The following XRCC4 variants were observed in gnomAD, a reference collection of about 807,000 sequenced individuals.
XRCC4 encodes the protein DNA repair protein XRCC4.
In XRCC4, 28 loss-of-function variants were observed where a neutral mutation model predicts 39.1. That is an observed-to-expected ratio of 0.72 (90% confidence interval 0.53 to 0.98). The LOEUF is 0.98. XRCC4 is among the 50% of genes least tolerant of loss of function. The probability of loss-of-function intolerance (pLI) is 0.00; values close to 1 mark genes in which losing one functional copy is unlikely to be tolerated. For missense variants in XRCC4, 350 were observed against 376.4 expected (o/e 0.93, Z 0.58); for synonymous variants, 123 against 126.4 (o/e 0.97, Z 0.18).
At chr5:83,106,172 G>C (rs4703945) in intron 2 of XRCC4, among the ~76,000 whole-genome samples, 1 of 152,116 alleles carries the variant, frequency 6.6e-6, no homozygotes, top group African/African-American at 2.4e-5. Context: ...TTCAAGAGTA[G>C]AAGATTTGTC....
At chr5:83,081,054 A>G (rs1744917002) in intron 1 of XRCC4, among the ~76,000 whole-genome samples, 1 of 152,222 alleles carries the variant, frequency 6.6e-6, no homozygotes, top group Non-Finnish European at 1.5e-5. Context: ...TGTGGTTAGA[A>G]AATGTGAACA....
intron 7 of XRCC4, among the ~76,000 whole-genome samples, chr5:83,290,068 C>T (rs940981041): frequency 6.6e-6 from 1 of 151,742 alleles, no homozygotes; most frequent in African/African-American, 2.4e-5. Context: ...ATTTTTGGCT[C>T]CAGTGGCCTC....
chr5:83,335,322 G>A (rs944017049), intron 7 of XRCC4, among the ~76,000 whole-genome samples: 2 of 151,642 alleles, frequency 1.3e-5, no homozygotes, highest in African/African-American at 4.8e-5. Context: ...AATTATTATT[G>A]TTAGAATAAT....
chr5:83,238,890 A>T (rs1752796967), intron 6 of XRCC4, among the ~76,000 whole-genome samples: 1 of 152,196 alleles, frequency 6.6e-6, no homozygotes. Flanking sequence ...TCCTTTAAGA[A>T]ATAGTTAGCT....
At chr5:83,273,766 A>C (rs181043064) in intron 7 of XRCC4, among the ~76,000 whole-genome samples, 1 of 152,014 alleles carries the variant, frequency 6.6e-6, no homozygotes, top group Non-Finnish European at 1.5e-5. Flanking sequence ...GTTCTGTTGC[A>C]TTGGTCTATA....
chr5:83,322,886 G>A (rs1756124686), intron 7 of XRCC4, among the ~76,000 whole-genome samples: 1 of 152,294 alleles, frequency 6.6e-6, no homozygotes, highest in East Asian at 1.9e-4. Context: ...AGAACTATAA[G>A]AGAATAAATG....
At chr5:83,121,906 A>G (rs1250071323) in intron 3 of XRCC4, among the ~76,000 whole-genome samples, 1 of 152,008 alleles carries the variant, frequency 6.6e-6, no homozygotes, top group Non-Finnish European at 1.5e-5. Context: ...TTTTTATATG[A>G]ATATTTAGTC....
At chr5:83,261,104 T>G (rs1580437680) in intron 7 of XRCC4, among the ~76,000 whole-genome samples, 1 of 151,936 alleles carries the variant, frequency 6.6e-6, no homozygotes, top group Non-Finnish European at 1.5e-5. Flanking sequence ...GACTGAAATT[T>G]TATGGCTCTT....
intron 7 of XRCC4, among the ~76,000 whole-genome samples, chr5:83,308,824 T>A (rs553389862): frequency 6.4e-4 from 97 of 152,220 alleles, no homozygotes; most frequent in African/African-American, 2.3e-3. Context: ...TTGTCCTATT[T>A]AGTCTCAATT....
At chr5:83,108,200 A>G (rs1226275782) in intron 2 of XRCC4, among the ~76,000 whole-genome samples, 2 of 151,896 alleles carry the variant, frequency 1.3e-5, no homozygotes, top group South Asian at 2.1e-4. Flanking sequence ...ATTCTTGGTC[A>G]CTGAAGTTTT....
the XRCC4 span, among the ~76,000 whole-genome samples, chr5:83,372,309 A>G: frequency 6.6e-6 from 1 of 152,222 alleles, no homozygotes; most frequent in Non-Finnish European, 1.5e-5. Flanking sequence ...CACTGTGGGA[A>G]GTCATAACCA....
chr5:83,288,036 A>G (rs1754794060), intron 7 of XRCC4, among the ~76,000 whole-genome samples: 2 of 151,716 alleles, frequency 1.3e-5, no homozygotes, highest in South Asian at 4.1e-4. Flanking sequence ...CTTGACCCAT[A>G]TGTTCAGAAG....
intron 3 of XRCC4, among the ~76,000 whole-genome samples, chr5:83,153,024 C>G (rs1220956754): frequency 6.6e-6 from 1 of 152,132 alleles, no homozygotes; most frequent in Non-Finnish European, 1.5e-5. Context: ...AGAATACTTC[C>G]TGTTGTCCCA....
At chr5:83,301,855 T>C (rs991472112) in intron 7 of XRCC4, among the ~76,000 whole-genome samples, 1 of 152,206 alleles carries the variant, frequency 6.6e-6, no homozygotes, top group African/African-American at 2.4e-5. Flanking sequence ...TTGCTTGTTT[T>C]TTCAGGTTTG....
At chr5:83,360,043 C>T in the XRCC4 span, among the ~76,000 whole-genome samples, 17 of 152,156 alleles carry the variant, frequency 1.1e-4, no homozygotes, top group Admixed American at 4.6e-4. Context: ...ATGTCAAATA[C>T]GAAGAACTTC....
chr5:83,347,843 C>T (rs998189621), intron 7 of XRCC4, among the ~76,000 whole-genome samples: 6 of 152,168 alleles, frequency 3.9e-5, no homozygotes, highest in Admixed American at 3.9e-4. Context: ...AAAATCAAAA[C>T]CAAGCTAGTT....
chr5:83,259,493 T>C (rs1029181833), intron 7 of XRCC4, among the ~76,000 whole-genome samples: 6 of 152,146 alleles, frequency 3.9e-5, no homozygotes, highest in South Asian at 4.2e-4. Context: ...CTTCTTAAAT[T>C]CCATACCTGT....
chr5:83,139,873 G>T (rs1204145818), intron 3 of XRCC4, among the ~76,000 whole-genome samples: 1 of 152,130 alleles, frequency 6.6e-6, no homozygotes, highest in East Asian at 1.9e-4. Context: ...ATATTGTTAT[G>T]TGGTGCATGA....
intron 3 of XRCC4, among the ~76,000 whole-genome samples, chr5:83,174,341 T>G (rs996401974): frequency 6.6e-6 from 1 of 152,096 alleles, no homozygotes; most frequent in Non-Finnish European, 1.5e-5. Context: ...TCTTTAAAAA[T>G]TTTTTTTGAA....
Sources: allele counts gnomAD v4.1 joint callset (sites outside exome capture counted in the v4.1 genomes callset), GRCh38; gene constraint gnomAD v4.1.1; transcripts MANE v1.5; gene names NCBI Gene and HGNC (gene_info 2026-07-23, HGNC 2026-07-21).